C12orf56: variants seen among roughly 807,000 people sequenced by gnomAD.
C12orf56 encodes chromosome 12 open reading frame 56, also known as uncharacterized protein C12orf56.
A neutral mutation model predicts 69.9 loss-of-function variants in C12orf56; 71 were observed. The ratio of observed to expected loss-of-function variants is 1.02; its 90% CI spans 0.84 to 1.24. C12orf56 has a LOEUF of 1.24. Among genes scored for constraint, C12orf56 ranks in the 50% most tolerant of loss-of-function variants. C12orf56 has a pLI of 0.00. For missense variants in C12orf56, 732 were observed against 738.5 expected (o/e 0.99, Z 0.10); for synonymous variants, 276 against 274.1 (o/e 1.01, Z -0.07).
intron 1 of C12orf56, among the ~76,000 whole-genome samples, chr12:64,377,024 TG>T (rs2039651166): frequency 6.6e-6 from 1 of 152,106 alleles, no homozygotes; most frequent in Non-Finnish European, 1.5e-5. Context: ...CACCAGCATC[TG>T]TTGTTTTTGA....
At chr12:64,365,290 G>A (rs974183793) in intron 1 of C12orf56, among the ~76,000 whole-genome samples, 6 of 149,990 alleles carry the variant, frequency 4.0e-5, no homozygotes, top group African/African-American at 9.8e-5. Flanking sequence ...TCAGCCTCCC[G>A]AGTAACTGGG....
chr12:64,271,740 T>C (rs1398269140), intron 11 of C12orf56, among the ~76,000 whole-genome samples: 1 of 152,224 alleles, frequency 6.6e-6, no homozygotes, highest in East Asian at 1.9e-4. Flanking sequence ...CAAACACAGC[T>C]TGAGCTGAGA....
intron 1 of C12orf56, among the ~76,000 whole-genome samples, chr12:64,370,231 G>C (rs1049565334): frequency 2.6e-5 from 4 of 151,418 alleles, no homozygotes; most frequent in Non-Finnish European, 5.9e-5. Flanking sequence ...TGTAATCCCA[G>C]CTACTTGGGA....
intron 1 of C12orf56, among the ~76,000 whole-genome samples, chr12:64,380,985 G>T (rs149772350): frequency 1.4e-3 from 206 of 152,278 alleles, no homozygotes; most frequent in African/African-American, 4.6e-3. Context: ...CTGCTGCCTA[G>T]ACAAGGCCAA....
intron 2 of C12orf56, among the ~76,000 whole-genome samples, chr12:64,339,638 G>A (rs935857262): frequency 6.6e-6 from 1 of 152,020 alleles, no homozygotes; most frequent in Non-Finnish European, 1.5e-5. Flanking sequence ...TCATGGCTCA[G>A]TATAGCCTCA....
intron 2 of C12orf56, among the ~76,000 whole-genome samples, chr12:64,335,829 G>A (rs764094146): frequency 9.9e-5 from 15 of 152,102 alleles, no homozygotes; most frequent in Non-Finnish European, 1.8e-4. Flanking sequence ...TCAGATGACC[G>A]AGTTGATTGG....
At chr12:64,348,429 C>G (rs1421645328) in intron 2 of C12orf56, among the ~76,000 whole-genome samples, 1 of 152,128 alleles carries the variant, frequency 6.6e-6, no homozygotes, top group Non-Finnish European at 1.5e-5. Flanking sequence ...AAAAAATGTC[C>G]AAGTCATCAT....
At chr12:64,340,675 C>T (rs749002450) in intron 2 of C12orf56, among the ~76,000 whole-genome samples, 5 of 152,312 alleles carry the variant, frequency 3.3e-5, no homozygotes, top group Middle Eastern at 3.4e-3. Flanking sequence ...CAAGTGTATA[C>T]ATGCACAAAC....
intron 2 of C12orf56, among the ~76,000 whole-genome samples, chr12:64,351,747 G>A (rs569931656): frequency 2.2e-3 from 339 of 152,014 alleles, no homozygotes; most frequent in Non-Finnish European, 3.8e-3. Context: ...CTGGGTATTC[G>A]CTAGGAAGAG....
At chr12:64,329,214 G>C (rs2038893352) in intron 3 of C12orf56, among the ~76,000 whole-genome samples, 1 of 152,046 alleles carries the variant, frequency 6.6e-6, no homozygotes, top group Admixed American at 6.5e-5. Flanking sequence ...ACCAGTACTT[G>C]AGCGTGATCC....
intron 5 of C12orf56, among the ~76,000 whole-genome samples, chr12:64,309,578 T>C (rs190029739): frequency 6.6e-6 from 1 of 152,326 alleles, no homozygotes; most frequent in Non-Finnish European, 1.5e-5. Flanking sequence ...TGGTGCCATC[T>C]CAGCTCACTG....
chr12:64,275,904 C>G (rs1462785987), intron 9 of C12orf56, among the ~76,000 whole-genome samples: 1 of 152,030 alleles, frequency 6.6e-6, no homozygotes, highest in Non-Finnish European at 1.5e-5. Context: ...TTATCCCTGG[C>G]TGGCCCACAG....
intron 1 of C12orf56, chr12:64,389,461 G>T (rs1366633553): frequency 2.6e-5 from 4 of 152,168 alleles, no homozygotes; most frequent in Non-Finnish European, 5.9e-5. Context: ...TCTCATTAAC[G>T]CATCTGCTTA....
intron 6 of C12orf56, among the ~76,000 whole-genome samples, chr12:64,294,195 G>A (rs897642092): frequency 2.6e-5 from 4 of 152,058 alleles, no homozygotes; most frequent in African/African-American, 9.7e-5. Context: ...GCAAGTGTTG[G>A]CAAGGACATA....
chr12:64,306,515 C>G (rs1438399261), intron 5 of C12orf56, among the ~76,000 whole-genome samples: 2 of 150,740 alleles, frequency 1.3e-5, no homozygotes, highest in Non-Finnish European at 2.9e-5. Context: ...ACTACAAGTG[C>G]GTACCACCAC....
At chr12:64,326,125 A>G (rs563708681) in intron 3 of C12orf56, among the ~76,000 whole-genome samples, 1 of 152,216 alleles carries the variant, frequency 6.6e-6, no homozygotes, top group African/African-American at 2.4e-5. Context: ...ATAAAAGACA[A>G]TGAGCCCTGG....
chr12:64,343,458 T>A (rs897399887), intron 2 of C12orf56, among the ~76,000 whole-genome samples: 1 of 152,216 alleles, frequency 6.6e-6, no homozygotes, highest in Non-Finnish European at 1.5e-5. Context: ...TAAAGGTATA[T>A]TGCTGGCCTA....
intron 3 of C12orf56, among the ~76,000 whole-genome samples, chr12:64,319,678 C>T: frequency 6.6e-6 from 1 of 152,218 alleles, no homozygotes; most frequent in East Asian, 1.9e-4. Context: ...AAACACGGGG[C>T]TTGCAACTTA....
At chr12:64,300,978 G>A (rs1447883429) in intron 6 of C12orf56, among the ~76,000 whole-genome samples, 1 of 152,204 alleles carries the variant, frequency 6.6e-6, no homozygotes, top group Non-Finnish European at 1.5e-5. Context: ...TGGTGAGGGA[G>A]TCCTCATGAG....
Sources: gnomAD v4.1 joint callset for allele counts (sites outside exome capture counted in the v4.1 genomes callset) on GRCh38, gnomAD v4.1.1 for gene constraint, MANE v1.5 for transcripts, NCBI Gene and HGNC (gene_info 2026-07-23, HGNC 2026-07-21) for gene names.